The following KPNA6 variants were observed in gnomAD, a reference collection of about 807,000 sequenced individuals.
The protein encoded by KPNA6 is karyopherin subunit alpha 6.
In KPNA6, 9 loss-of-function variants were observed where a neutral mutation model predicts 72.0. That is an observed-to-expected ratio of 0.13 (90% confidence interval 0.08 to 0.22). The LOEUF (loss-of-function observed/expected upper bound fraction) is 0.22. KPNA6 is among the 10% of genes least tolerant of loss of function. The pLI is 1.00. For synonymous variants in KPNA6, 219 were observed against 242.1 expected, an observed-to-expected ratio of 0.90 and a Z score of 0.89; for missense variants, 374 against 655.7, an observed-to-expected ratio of 0.57 and a Z score of 4.69.
Position 32,154,703 on chromosome 1 carries a change from G to A in KPNA6, c.120G>A (p.Lys40=). The change falls in exon 2 of 14, where the codon AAG becomes AAA. Residue 40 remains lysine (K), a synonymous_variant. Coordinates refer to ENST00000373625, the MANE Select transcript of KPNA6 (RefSeq NM_012316.5). ...AGGAAGAGGGCATTCAGCTCCGGAAGCAGAAGCGAGAGCAACAAGTGAGTT... is the reference window on the plus strand; with the variant it reads ...AGGAAGAGGGCATTCAGCTCCGGAAACAGAAGCGAGAGCAACAAGTGAGTT... ...RREEEGIQLR[K]QKREQQLFKR... The A allele has an allele frequency of 3.7e-6, 6 of 1,614,080 alleles. No homozygotes were observed. Among genetic ancestry groups the A allele is most frequent in the Non-Finnish European group, 5.1e-6 (6 of 1,179,988 alleles).
chr1:32,123,478 T>A (rs1020306865), intron 1 of KPNA6, among the ~76,000 whole-genome samples: 1 of 152,122 alleles, frequency 6.6e-6, no homozygotes, highest in African/African-American at 2.4e-5. Context: ...TGGTGGCTCA[T>A]GTCTGTAATC....
chr1:32,122,945 G>C lies in KPNA6; in HGVS notation c.4+14811G>C, dbSNP rs557987228. Among the ~76,000 whole-genome samples the C allele has an allele frequency of 2.4e-4, 30 of 127,008 alleles. No individual in the cohort carries two copies. The South Asian group carries it at 6.1e-3, about 26-fold the overall frequency. 83.3% of individuals were successfully genotyped at this position (127,008 alleles called of 152,430 possible). On this transcript the variant is annotated intron_variant, in intron 1 of 13. Coordinates refer to ENST00000373625, the MANE Select transcript of KPNA6 (RefSeq NM_012316.5). ...GCACTCCAGCCTGGGCAACAAGAGC[G>C]AAACTCCATCTCAAAAAAAAAAAAA... is the stretch of plus-strand genomic sequence containing the variant.
chr1:32,161,051 G>A (rs1398360004), intron 7 of KPNA6, among the ~76,000 whole-genome samples: 2 of 152,064 alleles, frequency 1.3e-5, no homozygotes, highest in Admixed American at 6.5e-5. Flanking sequence ...AGCTACTTGG[G>A]AGGCTGAGGC....
intron 9 of KPNA6, 61 bp from the exon 10 acceptor site, chr1:32,163,174 G>T: frequency 9.4e-7 from 1 of 1,059,192 alleles, no homozygotes; most frequent in East Asian, 2.4e-5. Flanking sequence ...ACTAAAGAGA[G>T]AGAATCAGCA....
At position 32,148,706 on chromosome 1, in the gene KPNA6, G is replaced by A. The variant is rs547491499; in HGVS notation, c.5-5882G>A. Among the ~76,000 whole-genome samples the A allele has an allele frequency of 5.2e-4, 79 of 151,492 alleles. 1 individual carries two copies. In the East Asian group the frequency reaches 9.0e-3, roughly 17 times the overall value. On this transcript the variant is annotated intron_variant, in intron 1 of 13. Coordinates refer to ENST00000373625, the MANE Select transcript of KPNA6 (RefSeq NM_012316.5). ...TGAGTAGCTGGGATTACAGGCGCAC[G>A]CCACCACGCCTGGGTATGTTTTTTG...
At chr1:32,153,160 CTAAAA>C (rs752882815) in intron 1 of KPNA6, among the ~76,000 whole-genome samples, 2 of 151,348 alleles carry the variant, frequency 1.3e-5, no homozygotes, top group Non-Finnish European at 2.9e-5. Context: ...TTGCAAAAGA[CTAAAA>C]TAAAAATAGT....
chr1:32,109,974 GA>G (rs1212995762), intron 1 of KPNA6, among the ~76,000 whole-genome samples: 7 of 151,222 alleles, frequency 4.6e-5, no homozygotes, highest in Non-Finnish European at 5.9e-5. Context: ...TCCTTTTTCT[GA>G]ACGAAACTGA....
intron 1 of KPNA6, among the ~76,000 whole-genome samples, chr1:32,137,101 G>C (rs1641747881): frequency 6.6e-6 from 1 of 152,180 alleles, no homozygotes; most frequent in African/African-American, 2.4e-5. Context: ...ACGGGTAGCT[G>C]ACATGCCAAA....
At chr1:32,111,264 C>G (rs2124518223) in intron 1 of KPNA6, among the ~76,000 whole-genome samples, 1 of 152,188 alleles carries the variant, frequency 6.6e-6, no homozygotes, top group African/African-American at 2.4e-5. Context: ...AGCCAGTAAG[C>G]CACAAAGCCA....
At chr1:32,157,489 C>T in intron 4 of KPNA6, 44 bp downstream of exon 4, 1 of 1,385,976 alleles carries the variant, frequency 7.2e-7, no homozygotes, top group South Asian at 1.2e-5. Flanking sequence ...TATGATTTAG[C>T]CTCTTTTCTC....
chr1:32,161,013 AGGT>A (rs545101657), intron 7 of KPNA6, among the ~76,000 whole-genome samples: 237 of 152,208 alleles, frequency 1.6e-3, no homozygotes, highest in African/African-American at 4.5e-3. Flanking sequence ...AAAGTTAGCC[AGGT>A]GTGGTGGCAG....
At position 32,173,525 on chromosome 1, in the gene KPNA6, A is replaced by T. The variant is rs970999676; in HGVS notation, c.*2631A>T. ...AAGTGGCCTCCAGGAGCTTTCATTT[A>T]TGTCTTCTCCAGACCAGGTTTTCCT... is the stretch of plus-strand genomic sequence containing the variant. On this transcript the variant is annotated 3_prime_UTR_variant, in exon 14 of 14. Coordinates refer to ENST00000373625, the MANE Select transcript of KPNA6 (RefSeq NM_012316.5). 1 of 160,952 alleles carries T rather than the reference A, an allele frequency of 6.2e-6. No homozygotes were observed. Among genetic ancestry groups the T allele is most frequent in the Non-Finnish European group, 1.3e-5 (1 of 74,138 alleles). 10.0% of individuals were successfully genotyped at this position (160,952 alleles called of 1,614,324 possible). A position where few individuals can be genotyped will look rare whatever the true frequency, so the allele number is the denominator to read the frequency against.
chr1:32,127,903 T>C (rs1641562094), intron 1 of KPNA6, among the ~76,000 whole-genome samples: 1 of 152,164 alleles, frequency 6.6e-6, no homozygotes, highest in Non-Finnish European at 1.5e-5. Flanking sequence ...TTGTAAAGCT[T>C]CCTGAAGGTA....
At chr1:32,155,587 T>C (rs1642124444) in intron 2 of KPNA6, among the ~76,000 whole-genome samples, 1 of 152,200 alleles carries the variant, frequency 6.6e-6, no homozygotes, top group East Asian at 1.9e-4. Context: ...CGCCTCAGCC[T>C]CCCATAGTGC....
intron 2 of KPNA6, 78 bp downstream of exon 2, chr1:32,154,799 A>AC: frequency 1.3e-6 from 2 of 1,499,402 alleles, no homozygotes; most frequent in Non-Finnish European, 1.8e-6. Flanking sequence ...ATGCACCCTG[A>AC]CTTGCCCTGT....
intron 2 of KPNA6, 30 bp from the exon 3 acceptor site, chr1:32,156,823 T>C: frequency 6.7e-7 from 1 of 1,484,736 alleles, no homozygotes; most frequent in Non-Finnish European, 9.4e-7. Flanking sequence ...GTTCAGAGAG[T>C]ACTCTTAACC....
At position 32,160,687 on chromosome 1, in the gene KPNA6, C is replaced by A. The variant is rs747478809; in HGVS notation, c.631C>A (p.Leu211Ile). The A allele has an allele frequency of 1.2e-4, 193 of 1,613,578 alleles. 1 individual carries two copies. Among genetic ancestry groups the A allele is most frequent in the Non-Finnish European group, 1.4e-4 (162 of 1,179,504 alleles). The stretch of plus-strand genomic sequence containing the variant: ...AGATTACGTCTTGAACTGTTCCATC[C>A]TTAATCCTTTGTTAACGTGAGTAAT... The part of the protein sequence containing the change: ...CRDYVLNCSI[L>I]NPLLTLLTKS... Residue 211 changes from leucine (L) to isoleucine (I), a missense_variant, in exon 7 of 14, where the codon CTT (leucine) becomes ATT (isoleucine). Physicochemically the swap from Leu to Ile is conservative, Grantham distance 5. Coordinates refer to ENST00000373625, the MANE Select transcript of KPNA6 (RefSeq NM_012316.5).
In KPNA6 at chr1:32,154,507, G is replaced by A. The variant is rs12567870; in HGVS notation, c.5-81G>A. 47 of 1,483,950 alleles carry A rather than the reference G, an allele frequency of 3.2e-5. No homozygotes were observed. The East Asian group carries it at 9.4e-4, about 30-fold the overall frequency. The allele number at this position is 1,483,950 out of a possible 1,614,324, so 91.9% of individuals were successfully genotyped here. On this transcript the variant is annotated intron_variant, in intron 1 of 13. Transcript: ENST00000373625. The stretch of plus-strand genomic sequence containing the variant: ...TCCCCCCAGAGTAGGGGAGGGTGAA[G>A]GGTGGGTAGGGATAGAAGTCTAGTG...
intron 1 of KPNA6, among the ~76,000 whole-genome samples, chr1:32,131,600 G>A (rs998941108): frequency 6.7e-6 from 1 of 150,036 alleles, no homozygotes; most frequent in Non-Finnish European, 1.5e-5. Flanking sequence ...TAAATCTTAA[G>A]TCTATACACA....
Sources: gnomAD v4.1 joint callset for allele counts (sites outside exome capture counted in the v4.1 genomes callset) on GRCh38, gnomAD v4.1.1 for gene constraint, MANE v1.5 for transcripts, NCBI Gene and HGNC (gene_info 2026-07-23, HGNC 2026-07-21) for gene names.